Variants in COP1 observed in about 807,000 individuals in gnomAD.
COP1 encodes the protein E3 ubiquitin-protein ligase COP1.
In COP1, 24 loss-of-function variants were observed where a neutral mutation model predicts 101.3. The ratio of observed to expected loss-of-function variants is 0.24; its 90% CI spans 0.17 to 0.33. The LOEUF (loss-of-function observed/expected upper bound fraction) is 0.33. COP1 is among the 10% of genes least tolerant of loss of function. COP1 has a pLI of 1.00. For missense variants in COP1, 663 were observed against 906.2 expected, an observed-to-expected ratio of 0.73 and a Z score of 3.45; for synonymous variants, 347 against 341.9, an observed-to-expected ratio of 1.01 and a Z score of -0.17.
In COP1 at chr1:176,116,687, A is replaced by G. The variant is rs769581354; in HGVS notation, c.969-6T>C. ...CTGTGGAATCAATAATACTACTGCA[A>G]AATGAAGAGAAAAAAATGTGATTTC... On this transcript the variant is annotated splice_polypyrimidine_tract_variant and splice_region_variant and intron_variant, in intron 8 of 19. Coordinates refer to ENST00000367669, the MANE Select transcript of COP1 (RefSeq NM_022457.7). 1.3e-6 allele frequency: 2 copies of G among 1,595,500 alleles called. No individual in the cohort carries two copies. The highest frequency in any genetic ancestry group is 1.7e-6 in the Non-Finnish European group (2 of 1,167,434).
chr1:176,181,518 TACTAAA>T (rs1290499537), intron 2 of COP1, among the ~76,000 whole-genome samples: 1 of 152,210 alleles, frequency 6.6e-6, no homozygotes, highest in African/African-American at 2.4e-5. Context: ...GCCTCTATTC[TACTAAA>T]ACCTGCTCTC....
rs546874147 is a variant in COP1, at chr1:176,125,103, GA to G, written c.969-8423del. Among the ~76,000 whole-genome samples the G allele has an allele frequency of 5.0e-3, 316 of 62,666 alleles. 1 individual carries two copies. The highest frequency in any genetic ancestry group is 0.013 in the Non-Finnish European group (259 of 19,290). 41.1% of individuals were successfully genotyped at this position (62,666 alleles called of 152,430 possible). A position where few individuals can be genotyped will look rare whatever the true frequency, so the allele number is the denominator to read the frequency against. ...TTTACCCATTTTTAAATGATTATTC[GA>G]TTTTTTTTTTCCTATAGAATTTTCT... On this transcript the variant is annotated intron_variant, in intron 8 of 19. Transcript: ENST00000367669.
chr1:176,050,694 C>T (rs1017428431), intron 11 of COP1, among the ~76,000 whole-genome samples: 1 of 152,170 alleles, frequency 6.6e-6, no homozygotes, highest in East Asian at 1.9e-4. Context: ...TTCTTCCAAT[C>T]AATACTACTT....
intron 14 of COP1, among the ~76,000 whole-genome samples, chr1:176,036,568 T>A (rs972911813): frequency 6.7e-6 from 1 of 149,414 alleles, no homozygotes; most frequent in Non-Finnish European, 1.5e-5. Context: ...ATTACAAATA[T>A]AGACAGTCCC....
intron 14 of COP1, among the ~76,000 whole-genome samples, chr1:176,031,307 T>G (rs1375193670): frequency 6.6e-6 from 1 of 152,160 alleles, no homozygotes; most frequent in African/African-American, 2.4e-5. Flanking sequence ...AATAGTATAA[T>G]CTTTTGGAGG....
intron 5 of COP1, chr1:176,160,255 CTTTTTTTTTTTT>C (rs67600151): frequency 3.3e-5 from 8 of 238,864 alleles, no homozygotes; most frequent in African/African-American, 2.5e-4. Flanking sequence ...CCACACACAT[CTTTTTTTTTTTT>C]TTTTTTTTTT....
At chr1:175,999,673 T>C (rs1218848863) in intron 15 of COP1, among the ~76,000 whole-genome samples, 4 of 152,024 alleles carry the variant, frequency 2.6e-5, no homozygotes, top group African/African-American at 9.7e-5. Context: ...TTTAATTTTT[T>C]AGGAATCTCC....
chr1:176,103,619 A>G lies in COP1; in HGVS notation c.1026+13005T>C, dbSNP rs556031020. Among the ~76,000 whole-genome samples, 71 of 152,368 alleles carry G rather than the reference A, an allele frequency of 4.7e-4. No individual in the cohort carries two copies. In the South Asian group the frequency reaches 7.2e-3, roughly 16 times the overall value. On this transcript the variant is annotated intron_variant, in intron 9 of 19. Coordinates refer to ENST00000367669, the MANE Select transcript of COP1 (RefSeq NM_022457.7). ...TTTTGAGCACCATATCACAGCTCAAAAAGTTTCAAATCTTGGAACATTACA... is the reference window on the plus strand; with the variant it reads ...TTTTGAGCACCATATCACAGCTCAAGAAGTTTCAAATCTTGGAACATTACA...
At chr1:176,145,709 A>G (rs1691480149) in intron 6 of COP1, among the ~76,000 whole-genome samples, 1 of 152,196 alleles carries the variant, frequency 6.6e-6, no homozygotes, top group Non-Finnish European at 1.5e-5. Context: ...GAATCTTAAC[A>G]TTCAGCCGAA....
chr1:176,021,677 A>C (rs1483862121), intron 15 of COP1, among the ~76,000 whole-genome samples: 1 of 152,194 alleles, frequency 6.6e-6, no homozygotes. Context: ...AATGATAGGA[A>C]AGAACTGAAA....
rs183443055 is a variant in COP1, at chr1:176,124,988, T to C, written c.969-8307A>G. Among the ~76,000 whole-genome samples the C allele has an allele frequency of 3.0e-3, 461 of 152,346 alleles. 2 individuals carry two copies. The highest frequency in any genetic ancestry group is 0.01 in the African/African-American group (434 of 41,580). ...ACTGAGGTGAGATGATATTTCATTG[T>C]AGTTGTGATTTGCATTTCTGATGAT... is the stretch of plus-strand genomic sequence containing the variant. On this transcript the variant is annotated intron_variant, in intron 8 of 19. Transcript: ENST00000367669.
chr1:176,162,943 G>T lies in COP1; in HGVS notation c.688C>A (p.Gln230Lys). ...ACATTGGCCAAATCAAGGTTATCTT[G>T]GTCAGTTCCCAACCAATCTTGAAAT... ...QIFQDWLGTDQDNLDLANVNL... is the reference protein window; with the variant it reads ...QIFQDWLGTDKDNLDLANVNL... Residue 230 changes from glutamine (Q) to lysine (K), a missense_variant, in exon 5 of 20, where the codon CAA becomes AAA. By Grantham distance (53) the Gln-to-Lys change is moderately conservative. Transcript: ENST00000367669. The T allele has an allele frequency of 1.2e-6, 2 of 1,609,102 alleles. No homozygotes were observed. The highest frequency in any genetic ancestry group is 1.7e-6 in the Non-Finnish European group (2 of 1,177,660).
At chr1:176,062,146 G>A (rs1572006581) in intron 11 of COP1, among the ~76,000 whole-genome samples, 2 of 151,948 alleles carry the variant, frequency 1.3e-5, no homozygotes, top group East Asian at 1.9e-4. Context: ...GACTACAGGC[G>A]CCCGCCAGCA....
At chr1:175,993,982 G>C (rs917879962) in intron 15 of COP1, among the ~76,000 whole-genome samples, 1 of 152,118 alleles carries the variant, frequency 6.6e-6, no homozygotes, top group Non-Finnish European at 1.5e-5. Flanking sequence ...AAATGTTAAG[G>C]GCAGCCAGAG....
intron 5 of COP1, among the ~76,000 whole-genome samples, chr1:176,162,067 T>C (rs549927693): frequency 2.0e-5 from 3 of 152,328 alleles, no homozygotes; most frequent in East Asian, 3.8e-4. Context: ...ATCAGAGCTG[T>C]CCCAATCAAA....
At chr1:176,052,366 G>A (rs1472255363) in intron 11 of COP1, among the ~76,000 whole-genome samples, 1 of 152,120 alleles carries the variant, frequency 6.6e-6, no homozygotes, top group Non-Finnish European at 1.5e-5. Flanking sequence ...AAGCAATGCA[G>A]GACTGTATTT....
chr1:176,183,398 T>C (rs1698034204), intron 2 of COP1, among the ~76,000 whole-genome samples: 1 of 152,136 alleles, frequency 6.6e-6, no homozygotes, highest in Non-Finnish European at 1.5e-5. Flanking sequence ...TAATTAAAAA[T>C]ACACAGATTA....
At chr1:176,048,847 G>A (rs1440529533) in intron 11 of COP1, among the ~76,000 whole-genome samples, 3 of 152,148 alleles carry the variant, frequency 2.0e-5, no homozygotes, top group African/African-American at 7.2e-5. Context: ...ACATTACAGG[G>A]AGAAAACTGA....
chr1:176,169,878 C>T (rs898447345), intron 3 of COP1, among the ~76,000 whole-genome samples: 2 of 152,244 alleles, frequency 1.3e-5, no homozygotes, highest in African/African-American at 4.8e-5. Flanking sequence ...GAATTTCTTT[C>T]AAAGTTAGTC....
Sources: gnomAD v4.1 joint callset for allele counts (sites outside exome capture counted in the v4.1 genomes callset) on GRCh38, gnomAD v4.1.1 for gene constraint, MANE v1.5 for transcripts, NCBI Gene and HGNC (gene_info 2026-07-23, HGNC 2026-07-21) for gene names.